GOLT1B: variants seen among roughly 807,000 people sequenced by gnomAD.
The protein encoded by GOLT1B is golgi transport 1B.
A neutral mutation model predicts 15.4 loss-of-function variants in GOLT1B; 3 were observed. That is an observed-to-expected ratio of 0.19 (90% confidence interval 0.09 to 0.50). The LOEUF (loss-of-function observed/expected upper bound fraction) is 0.50. GOLT1B is among the 20% of genes least tolerant of loss of function. The pLI is 0.97. For synonymous variants in GOLT1B, 65 were observed against 56.2 expected (o/e 1.16, Z -0.70); for missense variants, 145 against 160.4 (o/e 0.90, Z 0.52).
chr12:21,513,674 G>T (rs1363233870), intron 4 of GOLT1B, among the ~76,000 whole-genome samples: 1 of 151,046 alleles, frequency 6.6e-6, no homozygotes, highest in African/African-American at 2.4e-5. Flanking sequence ...GTTCACTCCT[G>T]TAATTCCAGC....
At chr12:21,508,729 CA>C (rs1273392156) in intron 3 of GOLT1B, among the ~76,000 whole-genome samples, 168 bp downstream of exon 3, 1 of 152,114 alleles carries the variant, frequency 6.6e-6, no homozygotes, top group Non-Finnish European at 1.5e-5. Context: ...AATGTTTTAT[CA>C]CATGTGAATG....
At chr12:21,512,027 C>T (rs1275583167) in intron 3 of GOLT1B, among the ~76,000 whole-genome samples, 1 of 152,146 alleles carries the variant, frequency 6.6e-6, no homozygotes. Flanking sequence ...TTCTTTTTAT[C>T]AGTTTCACCC....
Position 21,517,675 on chromosome 12 carries a change from T to C in GOLT1B, c.*1968T>C, listed in dbSNP as rs1026980249. The stretch of plus-strand genomic sequence containing the variant: ...TCTTAATTCAAAAGCATTATTAGAC[T>C]TGAAAGGGTTTGATAATCTCCCAGT... On this transcript the variant is annotated 3_prime_UTR_variant, in exon 5 of 5. Coordinates refer to ENST00000229314, the MANE Select transcript of GOLT1B (RefSeq NM_016072.5). The C allele has an allele frequency of 6.6e-6, 1 of 152,160 alleles. No individual in the cohort carries two copies. Among genetic ancestry groups the C allele is most frequent in the African/African-American group, 2.4e-5 (1 of 41,456 alleles). The allele number at this position is 152,160 out of a possible 1,614,324, so 9.4% of individuals were successfully genotyped here.
At chr12:21,510,153 A>G (rs886239831) in intron 3 of GOLT1B, among the ~76,000 whole-genome samples, 3 of 152,246 alleles carry the variant, frequency 2.0e-5, no homozygotes, top group African/African-American at 7.2e-5. Flanking sequence ...CAGAATATAC[A>G]GTGATAAGAC....
At chr12:21,506,187 C>T (rs3782661) in intron 1 of GOLT1B, among the ~76,000 whole-genome samples, 63,852 of 151,744 alleles carry the variant, frequency 0.42, 14,726 homozygotes, top group East Asian at 0.67. Context: ...TTTGAAACTT[C>T]GGAGAGGTGA....
Position 21,508,539 on chromosome 12 carries a change from T to A in GOLT1B, c.274T>A (p.Tyr92Asn). The A allele has an allele frequency of 6.4e-7, 1 of 1,574,434 alleles. No individual in the cohort carries two copies. The highest frequency in any genetic ancestry group is 1.1e-5 in the South Asian group (1 of 89,084). ...TTTGATAGGCATGATCTTCGAAATT[T>A]ATGGATTTTTTCTCTTGTTCAGGTA... ...WPLIGMIFEI[Y>N]GFFLLFRGFF... Residue 92 changes from tyrosine (Y) to asparagine (N), a missense_variant, in exon 3 of 5, where the codon TAT becomes AAT. Coordinates refer to ENST00000229314, the MANE Select transcript of GOLT1B (RefSeq NM_016072.5).
chr12:21,502,688 T>C (rs1459560134), intron 1 of GOLT1B, among the ~76,000 whole-genome samples: 1 of 152,198 alleles, frequency 6.6e-6, no homozygotes, highest in African/African-American at 2.4e-5. Flanking sequence ...AAGCTAGCAT[T>C]GATATCGGTT....
chr12:21,515,233 C>A, intron 4 of GOLT1B: 1 of 1,439,666 alleles, frequency 6.9e-7, no homozygotes, highest in Non-Finnish European at 9.4e-7. Flanking sequence ...TCTGTTTGTC[C>A]AAAGACTACA....
chr12:21,502,991 T>C (rs1478001883), intron 1 of GOLT1B, among the ~76,000 whole-genome samples: 3 of 152,188 alleles, frequency 2.0e-5, no homozygotes, highest in African/African-American at 4.8e-5. Context: ...CAGACCAACT[T>C]CACAGAGCTT....
At position 21,515,750 on chromosome 12, in the gene GOLT1B, T is replaced by C. The variant is rs1237532099; in HGVS notation, c.*43T>C. ...GACTCATTTAAAATATTGTGTTATT[T>C]ATAAAGTCATTTGAAGAATATTCAG... On this transcript the variant is annotated 3_prime_UTR_variant, in exon 5 of 5. Transcript: ENST00000229314. 1.2e-6 allele frequency: 1 copy of C among 868,982 alleles called. No homozygotes were observed. Among genetic ancestry groups the C allele is most frequent in the Admixed American group, 2.1e-5 (1 of 48,222 alleles). The allele number at this position is 868,982 out of a possible 1,614,324, so 53.8% of individuals were successfully genotyped here. A position where few individuals can be genotyped will look rare whatever the true frequency, so the allele number is the denominator to read the frequency against.
At chr12:21,504,808 A>G (rs1169963525) in intron 1 of GOLT1B, among the ~76,000 whole-genome samples, 1 of 152,210 alleles carries the variant, frequency 6.6e-6, no homozygotes, top group African/African-American at 2.4e-5. Flanking sequence ...ACCGCAGTTA[A>G]TTTTTAATAG....
At chr12:21,504,674 G>A (rs1310547856) in intron 1 of GOLT1B, 4 of 464,574 alleles carry the variant, frequency 8.6e-6, no homozygotes, top group East Asian at 1.3e-4. Flanking sequence ...TAGGTCCATG[G>A]TTGCACATAT....
At position 21,518,034 on chromosome 12, in the gene GOLT1B, T is replaced by A. The variant is rs1269596463; in HGVS notation, c.*2327T>A. 6.6e-6 allele frequency: 1 copy of A among 152,614 alleles called. No homozygotes were observed. Among genetic ancestry groups the A allele is most frequent in the Non-Finnish European group, 1.5e-5 (1 of 67,988 alleles). 9.5% of individuals were successfully genotyped at this position (152,614 alleles called of 1,614,324 possible). On this transcript the variant is annotated 3_prime_UTR_variant, in exon 5 of 5. Coordinates refer to ENST00000229314, the MANE Select transcript of GOLT1B (RefSeq NM_016072.5). Reference sequence around the variant, plus strand: ...TATTTGGAATGTTTTTCTTTTCCCCTTATAAATTGTAATTCCTGAAATACT... The same window carrying A: ...TATTTGGAATGTTTTTCTTTTCCCCATATAAATTGTAATTCCTGAAATACT...
At chr12:21,503,199 A>G (rs1365750687) in intron 1 of GOLT1B, among the ~76,000 whole-genome samples, 2 of 152,234 alleles carry the variant, frequency 1.3e-5, no homozygotes, top group East Asian at 1.9e-4. Flanking sequence ...ATTACTGGCA[A>G]TTATATAAAG....
intron 1 of GOLT1B, chr12:21,504,424 G>T: frequency 2.4e-6 from 1 of 419,316 alleles, no homozygotes; most frequent in Non-Finnish European, 4.9e-6. Flanking sequence ...ACTTGGCAAT[G>T]TCATTGCCAG....
At chr12:21,502,714 A>T (rs980072647) in intron 1 of GOLT1B, among the ~76,000 whole-genome samples, 1 of 152,092 alleles carries the variant, frequency 6.6e-6, no homozygotes, top group South Asian at 2.1e-4. Flanking sequence ...TTCTTTCATT[A>T]TAATATTTCC....
intron 4 of GOLT1B, among the ~76,000 whole-genome samples, chr12:21,514,088 G>T (rs545885612): frequency 7.9e-5 from 12 of 152,286 alleles, no homozygotes; most frequent in Non-Finnish European, 1.8e-4. Flanking sequence ...ATTTCTAAAA[G>T]AATCTAGGTG....
At chr12:21,505,764 A>G (rs568795803) in intron 1 of GOLT1B, among the ~76,000 whole-genome samples, 126 of 152,268 alleles carry the variant, frequency 8.3e-4, no homozygotes, top group African/African-American at 3.0e-3. Flanking sequence ...GGTATTTTAA[A>G]TTGTGCTTCT....
At chr12:21,502,348 G>A (rs1409537697) in intron 1 of GOLT1B, among the ~76,000 whole-genome samples, 1 of 152,178 alleles carries the variant, frequency 6.6e-6, no homozygotes, top group East Asian at 1.9e-4. Flanking sequence ...CACACTTCGG[G>A]TCCTCTACAA....
Sources: allele counts gnomAD v4.1 joint callset (sites outside exome capture counted in the v4.1 genomes callset), GRCh38; gene constraint gnomAD v4.1.1; transcripts MANE v1.5; gene names NCBI Gene and HGNC (gene_info 2026-07-23, HGNC 2026-07-21).